The following ZNF385D variants were observed in gnomAD, a reference collection of about 807,000 sequenced individuals.
The protein encoded by ZNF385D is zinc finger protein 385D.
Under a neutral mutation model 35.8 loss-of-function variants are expected in ZNF385D, and 15 were observed. That is an observed-to-expected ratio of 0.42 (90% CI 0.28 to 0.64). The LOEUF (loss-of-function observed/expected upper bound fraction) is 0.64, where lower values mean the gene tolerates loss of function less well. ZNF385D is among the 30% of genes least tolerant of loss of function. The pLI, the probability that ZNF385D is intolerant of heterozygous loss-of-function variation, is 0.23. For synonymous variants in ZNF385D, 212 were observed against 186.8 expected (o/e 1.13, Z -1.10); for missense variants, 474 against 494.6 (o/e 0.96, Z 0.39).
At chr3:21,578,920 A>G (rs2063572345) in intron 2 of ZNF385D, among the ~76,000 whole-genome samples, 1 of 152,190 alleles carries the variant, frequency 6.6e-6, no homozygotes, top group African/African-American at 2.4e-5. Flanking sequence ...AGAATAAATG[A>G]TGCCTGATTA....
rs147462137 is a variant in ZNF385D at position 22,346,251 on chromosome 3, C to T, written c.106+26199G>A. On this transcript the variant is annotated intron_variant, in intron 2 of 5. Transcript: ENST00000494108. ...ACTTTCTTCAGCTCAAAGGAATAGA[C>T]GTTTTTCCTCAAAGAAATATTCATT... 3.0e-3 allele frequency among the ~76,000 whole-genome samples: 449 copies of T among 151,126 alleles called. 2 individuals are homozygous for T. The highest frequency in any genetic ancestry group is 6.8e-3 in the Middle Eastern group (2 of 294).
chr3:21,830,968 T>C (rs561637625), intron 3 of ZNF385D, among the ~76,000 whole-genome samples: 30 of 152,148 alleles, frequency 2.0e-4, no homozygotes, highest in African/African-American at 6.3e-4. Flanking sequence ...TGTTAAAAAC[T>C]AGTATTTGGG....
chr3:21,846,373 T>G (rs892340344), intron 3 of ZNF385D, among the ~76,000 whole-genome samples: 3 of 152,096 alleles, frequency 2.0e-5, no homozygotes, highest in Non-Finnish European at 1.5e-5. Flanking sequence ...GGGGTAGGAA[T>G]AGTGCTTTTA....
In ZNF385D at chr3:22,118,898, T is replaced by C. The variant is rs143553638; in HGVS notation, c.325+49919A>G. ...TTACTGCTTTGTAGATAAAAGTTTT[T>C]AGAAACATTTGCAAGTCTTATAACA... On this transcript the variant is annotated intron_variant, in intron 3 of 5. Transcript: ENST00000494108. Among the ~76,000 whole-genome samples, 300 of 152,300 alleles carry C rather than the reference T, an allele frequency of 2.0e-3. 2 individuals carry two copies. Among genetic ancestry groups the C allele is most frequent in the Non-Finnish European group, 2.6e-3 (174 of 68,016 alleles).
At chr3:21,771,773 A>G (rs539081023) in intron 3 of ZNF385D, among the ~76,000 whole-genome samples, 1 of 152,032 alleles carries the variant, frequency 6.6e-6, no homozygotes, top group African/African-American at 2.4e-5. Flanking sequence ...ATAAATAGCA[A>G]ATACAATCTT....
chr3:21,442,737 T>C (rs3901935), intron 4 of ZNF385D, among the ~76,000 whole-genome samples: 41,576 of 151,464 alleles, frequency 0.27, 6,412 homozygotes, highest in Middle Eastern at 0.42. Flanking sequence ...AGATGGGAAT[T>C]ATGGGAAAGG....
intron 3 of ZNF385D, among the ~76,000 whole-genome samples, chr3:22,059,657 T>A (rs1576240990): frequency 6.6e-6 from 1 of 152,214 alleles, no homozygotes; most frequent in East Asian, 1.9e-4. Context: ...CCAATGGGTA[T>A]GTGGAGCACA....
chr3:21,952,424 T>G (rs1702107315), intron 3 of ZNF385D, among the ~76,000 whole-genome samples: 1 of 152,016 alleles, frequency 6.6e-6, no homozygotes, highest in African/African-American at 2.4e-5. Context: ...GATACAAAAT[T>G]GTTTGCCTTA....
At position 21,734,315 on chromosome 3, in the gene ZNF385D, C is replaced by T. The variant is rs138342942; in HGVS notation, c.22+16580G>A. ...TTTTTTCAGATATGTTGGAGAAACA[C>T]GGGAATTCAGAGAAAAGAATAATTA... On this transcript the variant is annotated intron_variant, in intron 1 of 7. Transcript: ENST00000281523. Among the ~76,000 whole-genome samples the T allele has an allele frequency of 2.7e-3, 411 of 150,370 alleles. 10 individuals carry two copies. In the South Asian group the frequency reaches 0.047, roughly 17 times the overall value.
rs1275567908 is a variant in ZNF385D at position 21,983,673 on chromosome 3, T to A, written c.325+185144A>T. Among the ~76,000 whole-genome samples the A allele has an allele frequency of 7.3e-5, 5 of 68,430 alleles. No individual in the cohort carries two copies. The Admixed American group carries it at 7.9e-4, about 11-fold the overall frequency. The allele number at this position is 68,430 out of a possible 152,430, so 44.9% of individuals were successfully genotyped here. A position where few individuals can be genotyped will look rare whatever the true frequency, so the allele number is the denominator to read the frequency against. On this transcript the variant is annotated intron_variant, in intron 3 of 5. Transcript: ENST00000494108. ...AGCATGATTTATAGTCATTTGGGTA[T>A]ATACCCAGTAATGGGATGGCTGGGT...
At chr3:21,825,028 C>A (rs1207888958) in intron 3 of ZNF385D, among the ~76,000 whole-genome samples, 1 of 152,162 alleles carries the variant, frequency 6.6e-6, no homozygotes, top group Non-Finnish European at 1.5e-5. Flanking sequence ...ACTCCCATAT[C>A]ATTTAAATAT....
intron 2 of ZNF385D, among the ~76,000 whole-genome samples, chr3:22,227,552 T>A (rs1262181782): frequency 6.6e-6 from 1 of 152,098 alleles, no homozygotes; most frequent in African/African-American, 2.4e-5. Flanking sequence ...GAAGTCTCCA[T>A]AAAAGGCCTA....
rs553549516 is a variant in ZNF385D, at chr3:21,950,905, A to G, written c.325+217912T>C. 1.3e-4 allele frequency among the ~76,000 whole-genome samples: 19 copies of G among 151,586 alleles called. No homozygotes were observed. The South Asian group carries it at 2.1e-3, about 17-fold the overall frequency. On this transcript the variant is annotated intron_variant, in intron 3 of 5. Transcript: ENST00000494108. Reference sequence around the variant, plus strand: ...CCTCTATTTTGTTCCATTGGTCTGTATATCTGTTTTGGTACCTGTACCATG... The same window carrying G: ...CCTCTATTTTGTTCCATTGGTCTGTGTATCTGTTTTGGTACCTGTACCATG...
At position 22,241,756 on chromosome 3, in the gene ZNF385D, A is replaced by T. The variant is rs529804107; in HGVS notation, c.107-72721T>A. 1.6e-3 allele frequency among the ~76,000 whole-genome samples: 236 copies of T among 151,088 alleles called. 2 individuals carry two copies. Among genetic ancestry groups the T allele is most frequent in the Non-Finnish European group, 2.7e-3 (185 of 67,948 alleles). On this transcript the variant is annotated intron_variant, in intron 2 of 5. Transcript: ENST00000494108. ...AGACTGAGGTGAGAAATACCTAAAA[A>T]AAACCTTTTTTTTCTTTAGAAAATA...
intron 2 of ZNF385D, among the ~76,000 whole-genome samples, chr3:22,242,269 T>C (rs1699541347): frequency 6.6e-6 from 1 of 151,248 alleles, no homozygotes; most frequent in Non-Finnish European, 1.5e-5. Context: ...AGGTGATTAC[T>C]GTTTGTGGCT....
intron 1 of ZNF385D, among the ~76,000 whole-genome samples, chr3:21,685,003 A>G (rs2067059064): frequency 1.3e-5 from 2 of 152,210 alleles, no homozygotes; most frequent in Non-Finnish European, 2.9e-5. Flanking sequence ...CAAGGAAACC[A>G]ATGGGCTCCA....
intron 2 of ZNF385D, among the ~76,000 whole-genome samples, chr3:21,615,793 A>AGTGTGTGTGTGTGTGT (rs144521609): frequency 0.041 from 6,020 of 145,178 alleles, 165 homozygotes; most frequent in South Asian, 0.067. Flanking sequence ...ATGGAGAAAG[A>AGTGTGTGTGTGTGTGT]GTGTGTGTGT....
chr3:21,729,897 G>C (rs1333462433), intron 1 of ZNF385D, among the ~76,000 whole-genome samples: 1 of 152,124 alleles, frequency 6.6e-6, no homozygotes, highest in Non-Finnish European at 1.5e-5. Context: ...GAATGCAGGA[G>C]CAACCTACTC....
intron 2 of ZNF385D, among the ~76,000 whole-genome samples, chr3:21,624,824 T>G (rs1176922075): frequency 6.6e-6 from 1 of 151,988 alleles, no homozygotes; most frequent in Non-Finnish European, 1.5e-5. Flanking sequence ...GCCAAATGTT[T>G]TCCTGTTTCC....
Sources: gnomAD v4.1 joint callset for allele counts (sites outside exome capture counted in the v4.1 genomes callset) on GRCh38, gnomAD v4.1.1 for gene constraint, MANE v1.5 for transcripts, NCBI Gene and HGNC (gene_info 2026-07-23, HGNC 2026-07-21) for gene names.